The following NRG3 variants were observed in gnomAD, a reference collection of about 807,000 sequenced individuals.
NRG3 encodes the protein neuregulin 3.
Under a neutral mutation model 66.9 loss-of-function variants are expected in NRG3, and 31 were observed. The observed-to-expected ratio is 0.46, with a 90% confidence interval of 0.35 to 0.63. The LOEUF (loss-of-function observed/expected upper bound fraction) is 0.63. Ranked by LOEUF, NRG3 falls within the 20% of genes least tolerant of loss-of-function variation. The pLI is 0.00. For synonymous variants in NRG3, 393 were observed against 359.4 expected (o/e 1.09, Z -1.06); for missense variants, 910 against 878.9 (o/e 1.04, Z -0.45).
intron 5 of NRG3, among the ~76,000 whole-genome samples, chr10:82,952,107 C>T (rs1452671348): frequency 6.6e-6 from 1 of 152,124 alleles, no homozygotes; most frequent in Admixed American, 6.6e-5. Flanking sequence ...AGAAACTAGA[C>T]CTTCTTCAGA....
intron 1 of NRG3, among the ~76,000 whole-genome samples, chr10:82,114,282 T>C (rs2067564345): frequency 6.6e-6 from 1 of 152,184 alleles, no homozygotes; most frequent in Non-Finnish European, 1.5e-5. Flanking sequence ...ACTGTAACAT[T>C]AGTGTGCCAA....
At chr10:82,274,284 T>A (rs1040425591) in intron 1 of NRG3, among the ~76,000 whole-genome samples, 4 of 152,090 alleles carry the variant, frequency 2.6e-5, no homozygotes, top group African/African-American at 9.7e-5. Context: ...CTACAAAGTT[T>A]TCTTCCCATG....
intron 1 of NRG3, among the ~76,000 whole-genome samples, chr10:82,269,739 A>G (rs1349554674): frequency 6.6e-6 from 1 of 152,164 alleles, no homozygotes; most frequent in African/African-American, 2.4e-5. Context: ...GATAGCACAC[A>G]TTGCTAGGTC....
At chr10:82,136,890 C>T (rs1739773) in intron 1 of NRG3, among the ~76,000 whole-genome samples, 106,320 of 152,060 alleles carry the variant, frequency 0.7, 37,976 homozygotes, top group Non-Finnish European at 0.8. Context: ...TGTACTCTTT[C>T]AAACACATAG....
chr10:82,365,549 T>A (rs1191619008), intron 2 of NRG3, among the ~76,000 whole-genome samples: 1 of 152,214 alleles, frequency 6.6e-6, no homozygotes, highest in East Asian at 1.9e-4. Flanking sequence ...ATGATAGTCT[T>A]AGAAACTCGG....
chr10:82,521,770 A>G (rs1846213085), intron 2 of NRG3, among the ~76,000 whole-genome samples: 1 of 152,160 alleles, frequency 6.6e-6, no homozygotes, highest in South Asian at 2.1e-4. Flanking sequence ...TTCTTTAAAA[A>G]TTGGGGTCAA....
At chr10:82,579,476 G>A (rs2046227754) in intron 2 of NRG3, among the ~76,000 whole-genome samples, 1 of 151,798 alleles carries the variant, frequency 6.6e-6, no homozygotes, top group African/African-American at 2.4e-5. Flanking sequence ...CTCAAATAAG[G>A]GCTCAGTAAA....
chr10:82,094,193 A>G (rs2066200416), intron 1 of NRG3, among the ~76,000 whole-genome samples: 1 of 152,180 alleles, frequency 6.6e-6, no homozygotes, highest in South Asian at 2.1e-4. Context: ...ATGAAATTAG[A>G]AGTATATTAT....
chr10:81,941,461 A>T (rs537970649), intron 1 of NRG3, among the ~76,000 whole-genome samples: 1 of 152,246 alleles, frequency 6.6e-6, no homozygotes, highest in East Asian at 1.9e-4. Context: ...GCATCTATTA[A>T]TTTTTGAAGA....
At chr10:82,465,507 G>T (rs931632851) in intron 2 of NRG3, among the ~76,000 whole-genome samples, 5 of 152,148 alleles carry the variant, frequency 3.3e-5, no homozygotes, top group Non-Finnish European at 5.9e-5. Flanking sequence ...CACTAATAAG[G>T]GCTGAAGTCT....
intron 2 of NRG3, among the ~76,000 whole-genome samples, chr10:82,663,779 C>T (rs941807458): frequency 1.3e-5 from 2 of 152,324 alleles, no homozygotes; most frequent in East Asian, 1.9e-4. Context: ...AGGTTACAGC[C>T]AACCTTCCAC....
chr10:82,571,277 T>C lies in NRG3; in HGVS notation c.954-167300T>C, dbSNP rs138626820. ...AGGCCAATAGAAACTAGACAAGGGA[T>C]TGAACAAAAAAGGCAGTAGAAATAA... is the stretch of plus-strand genomic sequence containing the variant. On this transcript the variant is annotated intron_variant, in intron 2 of 8. Coordinates refer to ENST00000372141, the MANE Select transcript of NRG3 (RefSeq NM_001010848.4). Among the ~76,000 whole-genome samples, 14 of 151,568 alleles carry C rather than the reference T, an allele frequency of 9.2e-5. No homozygotes were observed. The East Asian group carries it at 2.7e-3, about 29-fold the overall frequency.
At chr10:82,508,576 T>C (rs571117904) in intron 2 of NRG3, among the ~76,000 whole-genome samples, 3 of 152,310 alleles carry the variant, frequency 2.0e-5, no homozygotes, top group Admixed American at 2.0e-4. Context: ...AAAAGACTAC[T>C]TTTTAGACTC....
intron 2 of NRG3, among the ~76,000 whole-genome samples, chr10:82,644,905 A>G (rs2050833632): frequency 6.6e-6 from 1 of 152,150 alleles, no homozygotes; most frequent in South Asian, 2.1e-4. Flanking sequence ...TTGAAGTTTA[A>G]GTGAGTGTAT....
At chr10:82,802,686 T>A (rs986261491) in intron 3 of NRG3, among the ~76,000 whole-genome samples, 6 of 152,122 alleles carry the variant, frequency 3.9e-5, no homozygotes, top group African/African-American at 1.2e-4. Flanking sequence ...AAGATCTCGC[T>A]CTGTCACCCA....
intron 1 of NRG3, among the ~76,000 whole-genome samples, chr10:82,177,568 T>A (rs1181182065): frequency 2.6e-5 from 4 of 151,988 alleles, no homozygotes. Flanking sequence ...GCCTAGAAAG[T>A]TTAGATTCTT....
chr10:82,723,048 C>A (rs1410097542), intron 2 of NRG3, among the ~76,000 whole-genome samples: 1 of 152,106 alleles, frequency 6.6e-6, no homozygotes, highest in Non-Finnish European at 1.5e-5. Context: ...CTATTCACAA[C>A]AGCAAAGACG....
intron 1 of NRG3, among the ~76,000 whole-genome samples, chr10:82,088,114 T>C (rs1025349880): frequency 6.6e-6 from 1 of 152,162 alleles, no homozygotes; most frequent in African/African-American, 2.4e-5. Context: ...CTGTAGGATG[T>C]AGAGAAAGAC....
intron 1 of NRG3, among the ~76,000 whole-genome samples, chr10:82,024,473 G>T (rs776912483): frequency 2.0e-5 from 3 of 151,570 alleles, no homozygotes; most frequent in Admixed American, 6.6e-5. Flanking sequence ...ATTTCACATG[G>T]CTACCAGAAA....
Sources: allele counts gnomAD v4.1 joint callset (sites outside exome capture counted in the v4.1 genomes callset), GRCh38; gene constraint gnomAD v4.1.1; transcripts MANE v1.5; gene names NCBI Gene and HGNC (gene_info 2026-07-23, HGNC 2026-07-21).